Variants in GDI2 observed in about 807,000 individuals in gnomAD.
GDI2 encodes GDP dissociation inhibitor 2.
Under a neutral mutation model 54.2 loss-of-function variants are expected in GDI2, and 22 were observed. The observed-to-expected ratio is 0.41, with a 90% confidence interval of 0.29 to 0.58. The LOEUF (loss-of-function observed/expected upper bound fraction) is 0.58, where lower values mean the gene tolerates loss of function less well. Among genes scored for constraint, GDI2 ranks in the 20% least tolerant of loss-of-function variants. The pLI is 0.35. For missense variants in GDI2, 422 were observed against 546.0 expected (o/e 0.77, Z 2.26); for synonymous variants, 177 against 182.1 (o/e 0.97, Z 0.23).
intron 4 of GDI2, among the ~76,000 whole-genome samples, chr10:5,794,191 ATATATATATATATATATATATATATATAT>A (rs1841091792): frequency 3.1e-5 from 1 of 31,924 alleles, no homozygotes; most frequent in Non-Finnish European, 5.3e-5. Context: ...AAAAAAAAAT[ATATATATATATATATATATATATATATAT>A]ATATATATAT....
intron 1 of GDI2, among the ~76,000 whole-genome samples, chr10:5,808,302 G>T (rs1195014122): frequency 1.3e-5 from 2 of 152,128 alleles, no homozygotes; most frequent in Admixed American, 1.3e-4. Context: ...TCCAGCCTGG[G>T]TAAGAGACCG....
chr10:5,789,190 C>T (rs530274495), intron 4 of GDI2, among the ~76,000 whole-genome samples: 58 of 152,132 alleles, frequency 3.8e-4, no homozygotes, highest in African/African-American at 1.3e-3. Context: ...ACTGCAGCCA[C>T]CAACTTCCTG....
In GDI2 at chr10:5,766,043, AT is replaced by A; in HGVS notation, c.1300del (p.Met434Ter). On this transcript the variant is annotated frameshift_variant, in exon 11 of 11. Transcript: ENST00000380191. LOFTEE classifies it high-confidence loss of function. This position sits in a 1 kb window ranked among gnomAD's most constrained non-coding sequence, Gnocchi z 5.8. ...ATAGATGTCATTCTTCTTGCGCTTCATTTCCTCAAAGTCAAACTCTGATCCT... is the reference window on the plus strand; with the variant it reads ...ATAGATGTCATTCTTCTTGCGCTTCATTCCTCAAAGTCAAACTCTGATCCT... ...MTGSEFDFEE[M>X]KRKKNDIYGE... The A allele has an allele frequency of 6.3e-7, 1 of 1,590,254 alleles. No individual in the cohort carries two copies. Among genetic ancestry groups the A allele is most frequent in the Non-Finnish European group, 8.5e-7 (1 of 1,173,730 alleles).
chr10:5,795,902 C>CAA (rs1050475223), intron 3 of GDI2, among the ~76,000 whole-genome samples: 29 of 151,928 alleles, frequency 1.9e-4, no homozygotes, highest in African/African-American at 7.0e-4. Flanking sequence ...GCCTGGGTGA[C>CAA]AGAGTGAAAC....
chr10:5,778,839 A>T (rs763689746), intron 6 of GDI2, among the ~76,000 whole-genome samples: 48 of 152,216 alleles, frequency 3.2e-4, no homozygotes, highest in Non-Finnish European at 4.7e-4. Flanking sequence ...TGTAAAATCC[A>T]GTCTCCACAA....
chr10:5,799,439 G>A (rs952690685), intron 2 of GDI2, among the ~76,000 whole-genome samples: 2 of 152,030 alleles, frequency 1.3e-5, no homozygotes, highest in Non-Finnish European at 2.9e-5. Flanking sequence ...ATCACATGAG[G>A]TCAGGGGTTC....
At chr10:5,802,353 C>G (rs927166411) in intron 1 of GDI2, among the ~76,000 whole-genome samples, 1 of 151,600 alleles carries the variant, frequency 6.6e-6, no homozygotes, top group Admixed American at 6.5e-5. Flanking sequence ...GTAATCCAAG[C>G]ACTTTGAGAG....
At chr10:5,808,942 T>C (rs141706660) in intron 1 of GDI2, among the ~76,000 whole-genome samples, 33 of 152,124 alleles carry the variant, frequency 2.2e-4, no homozygotes, top group African/African-American at 7.2e-4. Context: ...GCCCCTCTAA[T>C]GCATCTCATT....
At position 5,796,782 on chromosome 10, in the gene GDI2, G is replaced by C; in HGVS notation, c.234C>G (p.Pro78=). The change falls in exon 3 of 11, where the codon CCC becomes CCG. Residue 78 remains proline (P), a synonymous_variant. Transcript: ENST00000380191. ...RGRDWNVDLI[P]KFLMANGQLV... is the part of the protein sequence containing the mutation. ...CTTTACCATTAGCCATAAGGAACTT[G>C]GGAATCAAGTCAACATTCCAGTCTC... The C allele has an allele frequency of 6.5e-7, 1 of 1,528,426 alleles. No homozygotes were observed. The highest frequency in any genetic ancestry group is 9.1e-7 in the Non-Finnish European group (1 of 1,102,894). The allele number at this position is 1,528,426 out of a possible 1,614,324, so 94.7% of individuals were successfully genotyped here. A position where few individuals can be genotyped will look rare whatever the true frequency, so the allele number is the denominator to read the frequency against.
Position 5,766,209 on chromosome 10 carries a change from C to G in GDI2, c.1191+32G>C. 1.2e-6 allele frequency: 2 copies of G among 1,610,846 alleles called. No individual in the cohort carries two copies. Among genetic ancestry groups the G allele is most frequent in the East Asian group, 2.2e-5 (1 of 44,872 alleles). On this transcript the variant is annotated intron_variant, in intron 10 of 10. Transcript: ENST00000380191. This position sits in a 1 kb window ranked among gnomAD's most constrained non-coding sequence, Gnocchi z 5.8. ...ATGGAGGGATGTCTTCCAGTGAAAC[C>G]TGCCCATATCCTTTCACACTTCCAT...
rs762864982 is a variant in GDI2, at chr10:5,785,280, G to A, written c.588-7C>T. 4 of 1,577,052 alleles carry A rather than the reference G, an allele frequency of 2.5e-6. No homozygotes were observed. Among genetic ancestry groups the A allele is most frequent in the Non-Finnish European group, 3.5e-6 (4 of 1,151,474 alleles). ...ACACGGTTGATCTAAGTAACTGGAA[G>A]AAAGGAAATGAGTATTAGGAAAGGG... On this transcript the variant is annotated splice_region_variant and splice_polypyrimidine_tract_variant and intron_variant, in intron 5 of 10. Coordinates refer to ENST00000380191, the MANE Select transcript of GDI2 (RefSeq NM_001494.4).
chr10:5,783,278 G>A (rs186849808), intron 6 of GDI2, among the ~76,000 whole-genome samples: 20 of 151,384 alleles, frequency 1.3e-4, no homozygotes, highest in African/African-American at 2.2e-4. Context: ...ACTTCTGCTC[G>A]CTTCTGGTGT....
chr10:5,777,322 A>C (rs1840647038), intron 6 of GDI2, among the ~76,000 whole-genome samples: 1 of 152,128 alleles, frequency 6.6e-6, no homozygotes, highest in African/African-American at 2.4e-5. Context: ...AAAATACAAA[A>C]ATTAGCCGGG....
rs117665322 is a variant in GDI2 at position 5,775,113 on chromosome 10, C to T, written c.720-1172G>A. Among the ~76,000 whole-genome samples, 49 of 152,260 alleles carry T rather than the reference C, an allele frequency of 3.2e-4. No individual in the cohort carries two copies. The East Asian group carries it at 8.9e-3, about 28-fold the overall frequency. On this transcript the variant is annotated intron_variant, in intron 6 of 10. Transcript: ENST00000380191. ...GACCAGCCTTGGCAACATGCTGAAA[C>T]CCTGTTTCTACAACAAATAGAAAAA...
At chr10:5,812,207 A>ATT (rs1564401743) in intron 1 of GDI2, among the ~76,000 whole-genome samples, 15 of 149,122 alleles carry the variant, frequency 1.0e-4, no homozygotes, top group Non-Finnish European at 1.9e-4. Context: ...GAACATTTAA[A>ATT]AAAAAAAAAA....
chr10:5,782,245 G>C (rs930876374), intron 6 of GDI2, among the ~76,000 whole-genome samples: 2 of 152,122 alleles, frequency 1.3e-5, no homozygotes, highest in Non-Finnish European at 2.9e-5. Flanking sequence ...CATGAGTCAA[G>C]AAATACAAAT....
At position 5,773,907 on chromosome 10, in the gene GDI2, T is replaced by C; in HGVS notation, c.754A>G (p.Asn252Asp). 1 of 1,554,606 alleles carries C rather than the reference T, an allele frequency of 6.4e-7. No homozygotes were observed. Among genetic ancestry groups the C allele is most frequent in the African/African-American group, 1.4e-5 (1 of 73,756 alleles). ...ACAATGATTTCTTCAATGGGTTTAT[T>C]CAGCATATAGGTACCTCCATAAATA... ...SAIYGGTYML[N>D]KPIEEIIVQN... Residue 252 changes from asparagine to aspartate, a missense_variant, in exon 7 of 11, where the codon AAT becomes GAT. Asn to Asp is a conservative substitution (Grantham distance 23). Transcript: ENST00000380191.
chr10:5,784,328 C>T (rs2131697219), intron 6 of GDI2, among the ~76,000 whole-genome samples: 1 of 152,178 alleles, frequency 6.6e-6, no homozygotes. Flanking sequence ...CATTCATATC[C>T]TGTATCACTT....
At chr10:5,795,142 T>G in intron 3 of GDI2, 123 bp from the exon 4 acceptor site, 1 of 646,038 alleles carries the variant, frequency 1.5e-6, no homozygotes, top group East Asian at 2.7e-5. Flanking sequence ...AAATAATTTT[T>G]TTTTGAGACA....
Sources: allele counts gnomAD v4.1 joint callset (sites outside exome capture counted in the v4.1 genomes callset), GRCh38; gene constraint gnomAD v4.1.1; non-coding constraint Gnocchi (gnomAD v3.1); transcripts MANE v1.5; gene names NCBI Gene and HGNC (gene_info 2026-07-23, HGNC 2026-07-21).